Variants in KDM5A observed in about 807,000 individuals in gnomAD.
The protein encoded by KDM5A is lysine demethylase 5A.
In KDM5A, 42 loss-of-function variants were observed where a neutral mutation model predicts 193.5. The observed-to-expected ratio is 0.22, with a 90% confidence interval of 0.17 to 0.28. The LOEUF (loss-of-function observed/expected upper bound fraction) is 0.28. Ranked by LOEUF, KDM5A falls within the 10% of genes least tolerant of loss-of-function variation. The pLI, the probability that KDM5A is intolerant of heterozygous loss-of-function variation, is 1.00. For missense variants in KDM5A, 1,692 were observed against 2,055.1 expected (o/e 0.82, Z 3.42); for synonymous variants, 796 against 718.1 (o/e 1.11, Z -1.73).
At chr12:335,620 C>T (rs1023657722) in intron 10 of KDM5A, among the ~76,000 whole-genome samples, 1 of 152,002 alleles carries the variant, frequency 6.6e-6, no homozygotes, top group African/African-American at 2.4e-5. Flanking sequence ...AATAAAAAAC[C>T]CTCAAGGTAA....
intron 24 of KDM5A, among the ~76,000 whole-genome samples, chr12:305,391 CA>C (rs1943491581): frequency 6.6e-6 from 1 of 152,160 alleles, no homozygotes; most frequent in Non-Finnish European, 1.5e-5. Context: ...TATTTCCCAG[CA>C]GAGGAATCTA....
At chr12:340,694 CAAAAAAAAAAAAAA>C (rs375465074) in intron 10 of KDM5A, among the ~76,000 whole-genome samples, 1 of 51,126 alleles carries the variant, frequency 2.0e-5, no homozygotes, top group Non-Finnish European at 3.9e-5. Context: ...GACTCCATCA[CAAAAAAAAAAAAAA>C]AAAAAAAAAA....
At position 385,994 on chromosome 12, in the gene KDM5A, T is replaced by C. The variant is rs749299308; in HGVS notation, c.166-20A>G. 2 of 1,592,430 alleles carry C rather than the reference T, an allele frequency of 1.3e-6. No homozygotes were observed. The highest frequency in any genetic ancestry group is 1.7e-5 in the Admixed American group (1 of 59,986). ...CCAGTCCTAAATAGAAAGATTTTTT[T>C]AAAAAAACACAGTGGTATGTAAACA... On this transcript the variant is annotated intron_variant, in intron 1 of 27. Transcript: ENST00000399788.
chr12:290,750 A>G (rs867966271), intron 27 of KDM5A, among the ~76,000 whole-genome samples: 130 of 152,188 alleles, frequency 8.5e-4, no homozygotes, highest in African/African-American at 2.8e-3. Context: ...TTATATTGCT[A>G]TAAGAAGACA....
chr12:323,902 T>C (rs1342334496), intron 14 of KDM5A, 121 bp from the exon 15 acceptor site: 7 of 786,248 alleles, frequency 8.9e-6, no homozygotes, highest in South Asian at 8.7e-5. Context: ...ACATGAAAGG[T>C]ACAATGGCAC....
At chr12:388,438 G>A (rs1250703114) in intron 1 of KDM5A, 8 of 397,670 alleles carry the variant, frequency 2.0e-5, no homozygotes, top group East Asian at 7.1e-5. Context: ...TTTTCACTGC[G>A]GCAATAATTA....
At chr12:366,595 T>C (rs1385441795) in intron 3 of KDM5A, among the ~76,000 whole-genome samples, 2 of 152,170 alleles carry the variant, frequency 1.3e-5, no homozygotes, top group Non-Finnish European at 2.9e-5. Flanking sequence ...AGGCTATAAT[T>C]TTTCAAAAGG....
At position 333,598 on chromosome 12, in the gene KDM5A, C is replaced by T. The variant is rs1483976309; in HGVS notation, c.1542G>A (p.Leu514=). The T allele has an allele frequency of 1.2e-6, 2 of 1,614,118 alleles. No individual in the cohort carries two copies. Among genetic ancestry groups the T allele is most frequent in the Admixed American group, 3.3e-5 (2 of 60,018 alleles). ...GGGCCAGCTCTCTCATCACCTCCTC[C>T]AGTTGCTCTGCAGCATGAGATGGCA... The part of the protein sequence containing the change: ...YGVPSHAAEQ[L]EEVMRELAPE... The change falls in exon 12 of 28, where the codon CTG becomes CTA. Residue 514 remains leucine, a synonymous_variant. Transcript: ENST00000399788.
chr12:308,641 T>C (rs1943543688), intron 22 of KDM5A, among the ~76,000 whole-genome samples: 1 of 152,258 alleles, frequency 6.6e-6, no homozygotes. Flanking sequence ...TTATCAATAC[T>C]GTCAGTGCAT....
chr12:325,492 G>GGCCAAC (rs78813329), intron 14 of KDM5A, among the ~76,000 whole-genome samples: 45,270 of 151,670 alleles, frequency 0.3, 6,951 homozygotes, highest in East Asian at 0.5. Flanking sequence ...AGACCAGCTT[G>GGCCAAC]ATGGTGAAAC....
rs760366624 is a variant in KDM5A, at chr12:323,549, A to T, written c.2150+51T>A. The T allele has an allele frequency of 2.0e-6, 3 of 1,511,264 alleles. No individual in the cohort carries two copies. In the South Asian group the frequency reaches 3.4e-5, roughly 17 times the overall value. The allele number at this position is 1,511,264 out of a possible 1,614,324, so 93.6% of individuals were successfully genotyped here. A position where few individuals can be genotyped will look rare whatever the true frequency, so the allele number is the denominator to read the frequency against. ...GGGAATAAGTAAAAATAACATTAAA[A>T]CTTGGTTTTAAAAAAAGGTAATGGA... is the stretch of plus-strand genomic sequence containing the variant. On this transcript the variant is annotated intron_variant, in intron 15 of 27. Coordinates refer to ENST00000399788, the MANE Select transcript of KDM5A (RefSeq NM_001042603.3).
intron 2 of KDM5A, among the ~76,000 whole-genome samples, chr12:384,747 A>G (rs951336370): frequency 6.6e-6 from 1 of 152,236 alleles, no homozygotes; most frequent in Non-Finnish European, 1.5e-5. Flanking sequence ...TGCTGATCAG[A>G]AAATTCAGTA....
intron 3 of KDM5A, among the ~76,000 whole-genome samples, chr12:381,609 C>T (rs1944573186): frequency 6.6e-6 from 1 of 152,038 alleles, no homozygotes; most frequent in African/African-American, 2.4e-5. Context: ...ATAATTTGTT[C>T]TTTAGTACCA....
rs1943176738 is a variant in KDM5A, at chr12:283,251, A to G, written c.*2205T>C. The stretch of plus-strand genomic sequence containing the variant: ...CAAAGAAGATCAACAGGCAAAAAAT[A>G]TTGTGCTTTCTTGTATAACATCAAC... On this transcript the variant is annotated 3_prime_UTR_variant, in exon 28 of 28. Transcript: ENST00000399788. 1 of 231,674 alleles carries G rather than the reference A, an allele frequency of 4.3e-6. No homozygotes were observed. The highest frequency in any genetic ancestry group is 8.6e-6 in the Non-Finnish European group (1 of 116,864). 14.4% of individuals were successfully genotyped at this position (231,674 alleles called of 1,614,324 possible).
At chr12:320,263 G>A (rs1231389980) in intron 18 of KDM5A, among the ~76,000 whole-genome samples, 2 of 152,146 alleles carry the variant, frequency 1.3e-5, no homozygotes, top group Non-Finnish European at 2.9e-5. Context: ...TTGGGAGGCC[G>A]AGGCGCGTGG....
intron 24 of KDM5A, among the ~76,000 whole-genome samples, chr12:305,275 T>G (rs534282451): frequency 4.6e-5 from 7 of 152,262 alleles, no homozygotes; most frequent in African/African-American, 1.7e-4. Flanking sequence ...TAATAAGATA[T>G]TTTAATATAA....
rs530711736 is a variant in KDM5A at position 354,352 on chromosome 12, T to C, written c.871-118A>G. On this transcript the variant is annotated intron_variant, in intron 7 of 27. Coordinates refer to ENST00000399788, the MANE Select transcript of KDM5A (RefSeq NM_001042603.3). ...AACTGAAAAGTAAACATAACTTAAA[T>C]CCTGAATGTCTATTTCAAGTAATTG... 4 of 699,126 alleles carry C rather than the reference T, an allele frequency of 5.7e-6. No homozygotes were observed. In the Admixed American group the frequency reaches 1.1e-4, roughly 19 times the overall value. The allele number at this position is 699,126 out of a possible 1,614,324, so 43.3% of individuals were successfully genotyped here.
At chr12:349,330 C>CTTTT (rs749540223) in intron 10 of KDM5A, among the ~76,000 whole-genome samples, 2 of 117,696 alleles carry the variant, frequency 1.7e-5, no homozygotes, top group Admixed American at 9.0e-5. Context: ...ATCTTCTAGA[C>CTTTT]TTTTTTTTTT....
intron 22 of KDM5A, 81 bp downstream of exon 22, chr12:309,722 C>T: frequency 6.9e-7 from 1 of 1,448,832 alleles, no homozygotes. Context: ...AAGTTAAAAA[C>T]ATAAAAACTG....
Sources: gnomAD v4.1 joint callset for allele counts (sites outside exome capture counted in the v4.1 genomes callset) on GRCh38, gnomAD v4.1.1 for gene constraint, MANE v1.5 for transcripts, NCBI Gene and HGNC (gene_info 2026-07-23, HGNC 2026-07-21) for gene names.